TSHR: variants seen among roughly 807,000 people sequenced by gnomAD.
TSHR encodes thyroid stimulating hormone receptor.
TSHR carries 51 observed loss-of-function variants against 64.1 expected under a neutral mutation model. The observed-to-expected ratio is 0.80, with a 90% CI of 0.64 to 1.01. The LOEUF (loss-of-function observed/expected upper bound fraction) is 1.01, where lower values mean the gene tolerates loss of function less well. TSHR is among the 50% of genes least tolerant of loss of function. The pLI is 0.00. For synonymous variants in TSHR, 361 were observed against 361.9 expected (o/e 1.00, Z 0.03); for missense variants, 877 against 942.8 (o/e 0.93, Z 0.91).
chr14:81,091,176 T>C, intron 5 of TSHR, 33 bp downstream of exon 5: 2 of 1,577,762 alleles, frequency 1.3e-6, no homozygotes, highest in Non-Finnish European at 1.7e-6. Context: ...TTTGACAATA[T>C]TTTGTTTGTC....
In TSHR at chr14:80,955,833, G is replaced by T. The variant is rs777358636; in HGVS notation, c.153G>T (p.Pro51=). 1.2e-6 allele frequency: 2 copies of T among 1,614,184 alleles called. No individual in the cohort carries two copies. The highest frequency in any genetic ancestry group is 1.7e-6 in the Non-Finnish European group (2 of 1,180,038). ...ATATTCAACGCATCCCCAGCTTACC[G>T]CCCAGTACGCAGACTCTGTGAGTAC... is the stretch of plus-strand genomic sequence containing the variant. ...CKDIQRIPSL[P]PSTQTLKLIE... Residue 51 remains proline, a synonymous_variant, in exon 1 of 10, where the codon CCG becomes CCT. Transcript: ENST00000298171.
intron 8 of TSHR, among the ~76,000 whole-genome samples, chr14:81,112,541 G>C (rs1467791951): frequency 6.6e-6 from 1 of 152,156 alleles, no homozygotes; most frequent in African/African-American, 2.4e-5. Context: ...TCACCCAGCT[G>C]AAATTCTTTT....
rs1566757881 is a variant in TSHR, at chr14:81,002,788, T to G, written c.170+46938T>G. Among the ~76,000 whole-genome samples the G allele has an allele frequency of 9.5e-4, 33 of 34,746 alleles. 1 individual carries two copies. In the East Asian group the frequency reaches 0.015, roughly 15 times the overall value. 22.8% of individuals were successfully genotyped at this position (34,746 alleles called of 152,430 possible). On this transcript the variant is annotated intron_variant, in intron 1 of 9. Transcript: ENST00000298171. ...TTAAGGTCCCTAATGCCTCTTTTTT[T>G]TTTTTTTTTTTTTTTTTTTATCTTT...
chr14:81,135,541 T>C (rs571975280), intron 8 of TSHR, among the ~76,000 whole-genome samples: 1 of 152,220 alleles, frequency 6.6e-6, no homozygotes, highest in African/African-American at 2.4e-5. Flanking sequence ...AACCATGAAA[T>C]TGTAGATGTG....
intron 1 of TSHR, chr14:81,032,649 T>C: frequency 2.4e-6 from 1 of 420,260 alleles, no homozygotes. Flanking sequence ...AACAGGAAGA[T>C]AGAGAGTTGT....
chr14:80,982,344 C>A (rs566837564), intron 1 of TSHR: 2 of 1,232,894 alleles, frequency 1.6e-6, no homozygotes, highest in Admixed American at 2.1e-5. Context: ...AGGCCACTAT[C>A]AATTCCTGGT....
At chr14:80,997,840 C>T (rs2139752737) in intron 1 of TSHR, among the ~76,000 whole-genome samples, 1 of 152,330 alleles carries the variant, frequency 6.6e-6, no homozygotes, top group South Asian at 2.1e-4. Flanking sequence ...TTCCCAATCC[C>T]CAGGTAGCTG....
chr14:81,124,401 T>G (rs1331556005), intron 8 of TSHR, among the ~76,000 whole-genome samples: 1 of 152,184 alleles, frequency 6.6e-6, no homozygotes, highest in Non-Finnish European at 1.5e-5. Flanking sequence ...ACACAATTTT[T>G]TAAGTGTACA....
At chr14:81,133,623 T>G (rs1237266053) in intron 8 of TSHR, among the ~76,000 whole-genome samples, 1 of 152,220 alleles carries the variant, frequency 6.6e-6, no homozygotes, top group Non-Finnish European at 1.5e-5. Flanking sequence ...TCTGGCACTT[T>G]AGGGTCTACC....
At chr14:80,964,906 A>C (rs1887219289) in intron 1 of TSHR, among the ~76,000 whole-genome samples, 1 of 152,222 alleles carries the variant, frequency 6.6e-6, no homozygotes, top group Admixed American at 6.5e-5. Flanking sequence ...ACTACTTGAG[A>C]CCGTCACTAG....
intron 1 of TSHR, among the ~76,000 whole-genome samples, chr14:80,969,006 T>C (rs567404739): frequency 2.0e-5 from 3 of 152,290 alleles, no homozygotes; most frequent in East Asian, 1.9e-4. Flanking sequence ...AAAATTTGAA[T>C]GTTAGGTTAC....
intron 7 of TSHR, 63 bp from the exon 8 acceptor site, chr14:81,108,312 T>TTGA: frequency 7.8e-7 from 1 of 1,277,538 alleles, no homozygotes; most frequent in Non-Finnish European, 1.1e-6. Flanking sequence ...TTGTACTAAT[T>TTGA]TGATGTGATT....
intron 1 of TSHR, among the ~76,000 whole-genome samples, chr14:81,056,569 A>G (rs746926741): frequency 1.4e-4 from 21 of 152,214 alleles, no homozygotes; most frequent in Non-Finnish European, 2.5e-4. Context: ...CTAAATAATG[A>G]AATGAAACCA....
intron 7 of TSHR, among the ~76,000 whole-genome samples, chr14:81,105,673 T>A (rs1035541482): frequency 6.6e-6 from 1 of 152,200 alleles, no homozygotes. Flanking sequence ...AAATATCAGA[T>A]GAAAACACTG....
intron 1 of TSHR, among the ~76,000 whole-genome samples, chr14:81,006,522 T>C (rs1316939539): frequency 6.6e-6 from 1 of 152,032 alleles, no homozygotes; most frequent in Non-Finnish European, 1.5e-5. Flanking sequence ...ATAGTCAATT[T>C]TTTTTTTTTT....
At chr14:81,073,919 CA>C (rs1216735552) in intron 3 of TSHR, among the ~76,000 whole-genome samples, 2 of 152,054 alleles carry the variant, frequency 1.3e-5, no homozygotes, top group Non-Finnish European at 2.9e-5. Flanking sequence ...TTTATCAAAC[CA>C]TTTTGCTTCT....
At chr14:81,057,642 A>C (rs1209358526) in intron 1 of TSHR, among the ~76,000 whole-genome samples, 1 of 152,220 alleles carries the variant, frequency 6.6e-6, no homozygotes, top group Non-Finnish European at 1.5e-5. Flanking sequence ...TCAGTGAAAT[A>C]CTGGCTGATT....
chr14:81,092,611 GAGTATT>G lies in TSHR; in HGVS notation c.545+5_545+10del. 6.2e-7 allele frequency: 1 copy of G among 1,613,092 alleles called. No individual in the cohort carries two copies. The highest frequency in any genetic ancestry group is 8.5e-7 in the Non-Finnish European group (1 of 1,179,172). The stretch of plus-strand genomic sequence containing the variant: ...CTATGCAATGAAACCTTGACACTGT[GAGTATT>G]ACCAGTTCTACTCCCTCCATCAACT... On this transcript the variant is annotated splice_donor_5th_base_variant and intron_variant, in intron 6 of 9. Transcript: ENST00000298171.
chr14:81,096,085 A>C (rs1332834877), intron 6 of TSHR, among the ~76,000 whole-genome samples: 4 of 151,822 alleles, frequency 2.6e-5, no homozygotes, highest in Non-Finnish European at 5.9e-5. Context: ...TGGTCTATCT[A>C]CTTTCTTAGA....
Sources: allele counts gnomAD v4.1 joint callset (sites outside exome capture counted in the v4.1 genomes callset), GRCh38; gene constraint gnomAD v4.1.1; transcripts MANE v1.5; gene names NCBI Gene and HGNC (gene_info 2026-07-23, HGNC 2026-07-21).